Variants in PRKAR1B observed in about 807,000 individuals in gnomAD.
PRKAR1B encodes the protein protein kinase cAMP-dependent type I regulatory subunit beta, also known as cAMP-dependent protein kinase type I-beta regulatory subunit.
A neutral mutation model predicts 46.5 loss-of-function variants in PRKAR1B; 22 were observed. The ratio of observed to expected loss-of-function variants is 0.47; its 90% CI spans 0.34 to 0.68. The LOEUF (loss-of-function observed/expected upper bound fraction) is 0.68, where lower values mean the gene tolerates loss of function less well. PRKAR1B is among the 30% of genes least tolerant of loss of function. PRKAR1B has a pLI of 0.01. For missense variants in PRKAR1B, 445 were observed against 535.6 expected (o/e 0.83, Z 1.67); for synonymous variants, 259 against 217.7 (o/e 1.19, Z -1.67).
chr7:707,686 G>A (rs1021695761), intron 2 of PRKAR1B, among the ~76,000 whole-genome samples: 8 of 152,106 alleles, frequency 5.3e-5, no homozygotes, highest in Non-Finnish European at 1.2e-4. Flanking sequence ...CTATGAGAAG[G>A]GGAAATCTGG....
chr7:614,573 T>C (rs1204581019), intron 4 of PRKAR1B, among the ~76,000 whole-genome samples: 4 of 151,990 alleles, frequency 2.6e-5, no homozygotes, highest in Non-Finnish European at 4.4e-5. Context: ...TGAGACCAGC[T>C]TGGGCAGCAT....
intron 4 of PRKAR1B, among the ~76,000 whole-genome samples, chr7:608,755 G>T (rs371310093): frequency 0.3 from 12,773 of 42,076 alleles, 2,836 homozygotes; most frequent in East Asian, 0.61. Context: ...CTGTAGGGAA[G>T]GCTGGGGGGC....
At chr7:604,856 GAA>G (rs1458443577) in intron 6 of PRKAR1B, among the ~76,000 whole-genome samples, 1 of 151,884 alleles carries the variant, frequency 6.6e-6, no homozygotes, top group African/African-American at 2.4e-5. Context: ...TGGACAAGGA[GAA>G]GGGCAGGCGG....
At chr7:622,777 C>G (rs938480950) in intron 4 of PRKAR1B, among the ~76,000 whole-genome samples, 75 of 152,152 alleles carry the variant, frequency 4.9e-4, no homozygotes, top group African/African-American at 1.8e-3. Context: ...AAAAGGACCC[C>G]GCTGAAGGCA....
At chr7:665,904 C>A (rs34413927) in intron 4 of PRKAR1B, among the ~76,000 whole-genome samples, 7,247 of 152,266 alleles carry the variant, frequency 0.048, 571 homozygotes, top group African/African-American at 0.16. Flanking sequence ...CGACAGATAA[C>A]AGACAGCTGC....
At chr7:711,180 C>T (rs1780604383) in intron 2 of PRKAR1B, 149 bp downstream of exon 2, 2 of 1,105,640 alleles carry the variant, frequency 1.8e-6, no homozygotes, top group Non-Finnish European at 2.6e-6. Flanking sequence ...CCTCTCTCCC[C>T]GCGCTTCTGG....
chr7:648,625 AC>A (rs1784740505), intron 4 of PRKAR1B, among the ~76,000 whole-genome samples: 1 of 151,846 alleles, frequency 6.6e-6, no homozygotes, highest in Admixed American at 6.6e-5. Context: ...AAACAAACAA[AC>A]AAAAAAATTA....
Position 644,149 on chromosome 7 carries a change from G to A in PRKAR1B, c.440+33080C>T, listed in dbSNP as rs1784518908. 6.6e-6 allele frequency among the ~76,000 whole-genome samples: 1 copy of A among 152,164 alleles called. No homozygotes were observed. Among genetic ancestry groups the A allele is most frequent in the African/African-American group, 2.4e-5 (1 of 41,432 alleles). ...TCACGGGCCACATGCACCCCCTCCT[G>A]TGCCCTCACCTACACAGGCAGGCAG... On this transcript the variant is annotated intron_variant, in intron 4 of 10. Coordinates refer to ENST00000537384, the MANE Select transcript of PRKAR1B (RefSeq NM_001164760.2). The surrounding 1 kb of genome is among the most constrained non-coding windows in gnomAD (Gnocchi z 4.9).
intron 4 of PRKAR1B, among the ~76,000 whole-genome samples, chr7:628,702 G>A (rs1454500236): frequency 6.6e-6 from 1 of 152,194 alleles, no homozygotes; most frequent in Non-Finnish European, 1.5e-5. Flanking sequence ...CAGGTGCACT[G>A]CAGGGCAACC....
chr7:721,118 G>A lies in PRKAR1B; in HGVS notation c.-23+6092C>T, dbSNP rs191281651. ...GCATCTATGATTTTCCACCTTGAGT[G>A]AGTGGACAAACCTTCCTTCCACTTA... On this transcript the variant is annotated intron_variant, in intron 1 of 10. Transcript: ENST00000537384. Among the ~76,000 whole-genome samples the A allele has an allele frequency of 2.2e-4, 33 of 152,262 alleles. No individual in the cohort carries two copies. In the East Asian group the frequency reaches 5.6e-3, roughly 26 times the overall value.
At chr7:612,548 T>C (rs1192986693) in intron 4 of PRKAR1B, among the ~76,000 whole-genome samples, 1 of 151,930 alleles carries the variant, frequency 6.6e-6, no homozygotes, top group Non-Finnish European at 1.5e-5. Flanking sequence ...GATGGATAGA[T>C]GGATGGATGG....
In PRKAR1B at chr7:645,854, G is replaced by A. The variant is rs1303142284; in HGVS notation, c.440+31375C>T. ...AGTACAGGCAGGTTGCCGTCCACTC[G>A]CCAGTCAGACCCCTCTGGGGCTCTG... is the stretch of plus-strand genomic sequence containing the variant. On this transcript the variant is annotated intron_variant, in intron 4 of 10. Coordinates refer to ENST00000537384, the MANE Select transcript of PRKAR1B (RefSeq NM_001164760.2). Among the ~76,000 whole-genome samples the A allele has an allele frequency of 2.6e-5, 4 of 152,208 alleles. No homozygotes were observed. In the East Asian group the frequency reaches 7.8e-4, roughly 30 times the overall value.
At chr7:677,494 A>C (rs1778402503) in intron 3 of PRKAR1B, among the ~76,000 whole-genome samples, 174 bp from the exon 4 acceptor site, 1 of 152,160 alleles carries the variant, frequency 6.6e-6, no homozygotes, top group Non-Finnish European at 1.5e-5. Flanking sequence ...AGTCTTGATC[A>C]CAGCTCACTG....
At chr7:578,358 G>A (rs1033858598) in intron 9 of PRKAR1B, among the ~76,000 whole-genome samples, 16 of 152,224 alleles carry the variant, frequency 1.1e-4, no homozygotes, top group Admixed American at 2.0e-4. Context: ...GCCACCTGTC[G>A]CCTGCCTGTG....
chr7:639,335 A>T (rs2128484016), intron 4 of PRKAR1B, among the ~76,000 whole-genome samples: 1 of 152,352 alleles, frequency 6.6e-6, no homozygotes, highest in East Asian at 1.9e-4. Context: ...CAATGGGGAA[A>T]GAAAGAGTGC....
chr7:664,056 C>A (rs772775340), intron 4 of PRKAR1B, among the ~76,000 whole-genome samples: 1 of 152,134 alleles, frequency 6.6e-6, no homozygotes, highest in Admixed American at 6.5e-5. Flanking sequence ...ACAAGGAGCC[C>A]CATAGGGCCA....
At chr7:584,325 G>A (rs1038729819) in intron 8 of PRKAR1B, among the ~76,000 whole-genome samples, 183 bp downstream of exon 8, 1 of 152,226 alleles carries the variant, frequency 6.6e-6, no homozygotes, top group African/African-American at 2.4e-5. Context: ...TTGCCAACAA[G>A]TGACAGTGTG....
intron 9 of PRKAR1B, among the ~76,000 whole-genome samples, chr7:578,594 G>A (rs571128442): frequency 1.2e-4 from 19 of 152,210 alleles, no homozygotes; most frequent in African/African-American, 3.4e-4. Flanking sequence ...GGATGCGGAC[G>A]CGGTGCCATC....
At chr7:570,347 G>T (rs113057671) in intron 9 of PRKAR1B, among the ~76,000 whole-genome samples, 2 of 152,176 alleles carry the variant, frequency 1.3e-5, no homozygotes, top group Non-Finnish European at 2.9e-5. Flanking sequence ...GTTATAAAGC[G>T]ACTTTCATAC....
Sources: gnomAD v4.1 joint callset for allele counts (sites outside exome capture counted in the v4.1 genomes callset) on GRCh38, gnomAD v4.1.1 for gene constraint, Gnocchi (gnomAD v3.1) non-coding constraint, MANE v1.5 for transcripts, NCBI Gene and HGNC (gene_info 2026-07-23, HGNC 2026-07-21) for gene names.